Variants in TANC2 observed in about 807,000 individuals in gnomAD.
TANC2 encodes the protein tetratricopeptide repeat, ankyrin repeat and coiled-coil containing 2.
TANC2 carries 26 observed loss-of-function variants against 210.5 expected under a neutral mutation model. The observed-to-expected ratio is 0.12, with a 90% confidence interval of 0.09 to 0.17. The LOEUF (loss-of-function observed/expected upper bound fraction) is 0.17, where lower values mean the gene tolerates loss of function less well. Ranked by LOEUF, TANC2 falls within the 10% of genes least tolerant of loss-of-function variation. The pLI is 1.00. For missense variants in TANC2, 2,129 were observed against 2,608.9 expected, an observed-to-expected ratio of 0.82 and a Z score of 4.01; for synonymous variants, 931 against 967.1, an observed-to-expected ratio of 0.96 and a Z score of 0.69.
At chr17:63,287,686 ATTT>A (rs113218272) in intron 9 of TANC2, among the ~76,000 whole-genome samples, 1 of 145,160 alleles carries the variant, frequency 6.9e-6, no homozygotes, top group Non-Finnish European at 1.5e-5. Flanking sequence ...TCCTGTATAT[ATTT>A]TTTTTTTTTT....
At chr17:63,276,494 C>CTT (rs554302518) in intron 9 of TANC2, among the ~76,000 whole-genome samples, 6 of 134,166 alleles carry the variant, frequency 4.5e-5, no homozygotes, top group Non-Finnish European at 6.5e-5. Flanking sequence ...TTTTCCCTTT[C>CTT]TTTTTTTTTT....
Position 62,982,965 on chromosome 17 carries a change from G to A in TANC2, c.-24+16216G>A, listed in dbSNP as rs542133077. Among the ~76,000 whole-genome samples, 6 of 152,230 alleles carry A rather than the reference G, an allele frequency of 3.9e-5. No individual in the cohort carries two copies. In the South Asian group the frequency reaches 8.3e-4, roughly 21 times the overall value. On this transcript the variant is annotated intron_variant, in intron 1 of 27. Transcript: ENST00000689528. The stretch of plus-strand genomic sequence containing the variant: ...TTTGAAGACTGTTGTGATTCCATGC[G>A]AATTTTAGGATTTCTTTTTCCTATT...
intron 4 of TANC2, among the ~76,000 whole-genome samples, chr17:63,136,592 G>C (rs911417293): frequency 1.3e-5 from 2 of 152,088 alleles, no homozygotes; most frequent in Non-Finnish European, 2.9e-5. Context: ...AACAGACAAA[G>C]GCTCTACCTT....
intron 2 of TANC2, among the ~76,000 whole-genome samples, chr17:63,021,059 A>G (rs982002387): frequency 2.6e-5 from 4 of 152,148 alleles, no homozygotes; most frequent in African/African-American, 9.7e-5. Flanking sequence ...CCCCATCTCC[A>G]ACATTGGGGG....
chr17:63,353,035 A>G (rs766662613), intron 13 of TANC2, among the ~76,000 whole-genome samples: 5 of 152,202 alleles, frequency 3.3e-5, no homozygotes, highest in Non-Finnish European at 5.9e-5. Flanking sequence ...GATAGGATAT[A>G]TAGGAAAGGC....
At chr17:63,355,291 A>C in exon 14 of TANC2, 1 of 1,613,264 alleles carries the variant, frequency 6.2e-7, no homozygotes, top group Non-Finnish European at 8.5e-7. Flanking sequence ...TTCCTAATCA[A>C]GCGCAGAGAC....
Position 63,114,729 on chromosome 17 carries a change from C to A in TANC2, c.322+15372C>A, listed in dbSNP as rs1487165533. On this transcript the variant is annotated intron_variant, in intron 4 of 27. Transcript: ENST00000689528. The stretch of plus-strand genomic sequence containing the variant: ...AGAGAAAGCTTTTAATATAGCAAGA[C>A]TGAAAAAAGAATAAAAATAAAAAAG... Among the ~76,000 whole-genome samples, 3 of 151,818 alleles carry A rather than the reference C, an allele frequency of 2.0e-5. No homozygotes were observed. The East Asian group carries it at 5.8e-4, about 29-fold the overall frequency.
intron 9 of TANC2, among the ~76,000 whole-genome samples, chr17:63,285,551 A>G (rs1906033660): frequency 6.6e-6 from 1 of 152,170 alleles, no homozygotes; most frequent in Non-Finnish European, 1.5e-5. Flanking sequence ...ACATATAGTC[A>G]TTCCCACAGC....
At chr17:63,092,637 G>A (rs2037241044) in intron 3 of TANC2, among the ~76,000 whole-genome samples, 1 of 152,008 alleles carries the variant, frequency 6.6e-6, no homozygotes, top group Admixed American at 6.6e-5. Context: ...ATAGTGGAAG[G>A]TGGATGGGGA....
chr17:63,189,885 A>C (rs773630905), intron 5 of TANC2, among the ~76,000 whole-genome samples: 2 of 152,198 alleles, frequency 1.3e-5, no homozygotes, highest in Non-Finnish European at 2.9e-5. Flanking sequence ...TTATAGTTTT[A>C]GCTTATACAT....
At chr17:63,139,787 C>T (rs2039221057) in intron 4 of TANC2, among the ~76,000 whole-genome samples, 1 of 152,244 alleles carries the variant, frequency 6.6e-6, no homozygotes, top group East Asian at 1.9e-4. Context: ...GCCTGTAACG[C>T]CAGCTACTCA....
intron 4 of TANC2, among the ~76,000 whole-genome samples, chr17:63,114,378 CTT>C (rs2038172638): frequency 1.3e-5 from 2 of 152,178 alleles, no homozygotes; most frequent in African/African-American, 4.8e-5. Context: ...CTATTTTACT[CTT>C]TACTCTCTTT....
Position 63,140,778 on chromosome 17 carries a change from C to G in TANC2, c.323-10492C>G, listed in dbSNP as rs571826608. 1.3e-3 allele frequency among the ~76,000 whole-genome samples: 201 copies of G among 152,244 alleles called. 2 individuals carry two copies. Among genetic ancestry groups the G allele is most frequent in the African/African-American group, 4.5e-3 (188 of 41,552 alleles). On this transcript the variant is annotated intron_variant, in intron 4 of 27. Transcript: ENST00000689528. ...TTGTTTTGTTTTTGAGACAGAGTGT[C>G]GCTTTGTTGCCCAGGCTGTGTGTAG...
chr17:63,144,524 G>A (rs2145342489), intron 4 of TANC2, among the ~76,000 whole-genome samples: 1 of 152,186 alleles, frequency 6.6e-6, no homozygotes, highest in South Asian at 2.1e-4. Flanking sequence ...AAATAAATGT[G>A]TTCCAATTAT....
At chr17:63,019,830 TG>T in intron 2 of TANC2, among the ~76,000 whole-genome samples, 1 of 152,168 alleles carries the variant, frequency 6.6e-6, no homozygotes, top group Non-Finnish European at 1.5e-5. Context: ...TATGTGTGTG[TG>T]TGTGTTGGGT....
chr17:63,397,126 T>A (rs2048188818), intron 18 of TANC2: 1 of 151,886 alleles, frequency 6.6e-6, no homozygotes, highest in Non-Finnish European at 1.5e-5. Flanking sequence ...AATACAAAAA[T>A]TAGTCAGGCG....
chr17:63,329,516 C>G (rs1355615014), intron 11 of TANC2, among the ~76,000 whole-genome samples: 1 of 152,194 alleles, frequency 6.6e-6, no homozygotes, highest in Non-Finnish European at 1.5e-5. Context: ...AACAGACACT[C>G]TCATACTGGA....
At chr17:63,220,711 A>ATATATATATATATATATATATAT (rs1466658581) in intron 7 of TANC2, among the ~76,000 whole-genome samples, 10 of 128,734 alleles carry the variant, frequency 7.8e-5, no homozygotes, top group Non-Finnish European at 1.7e-4. Context: ...CTCAAAAAAA[A>ATATATATATATATATATATATAT]AAAAAAAAAT....
chr17:63,133,592 G>A (rs991341621), intron 4 of TANC2, among the ~76,000 whole-genome samples: 2 of 152,174 alleles, frequency 1.3e-5, no homozygotes, highest in African/African-American at 2.4e-5. Context: ...ATGGCTCACT[G>A]TTATATACTT....
Sources: allele counts gnomAD v4.1 joint callset (sites outside exome capture counted in the v4.1 genomes callset), GRCh38; gene constraint gnomAD v4.1.1; transcripts MANE v1.5; gene names NCBI Gene and HGNC (gene_info 2026-07-23, HGNC 2026-07-21).